The following NRG1 variants were observed in gnomAD, a reference collection of about 807,000 sequenced individuals.
The protein encoded by NRG1 is pro-neuregulin-1, membrane-bound isoform.
Under a neutral mutation model 63.8 loss-of-function variants are expected in NRG1, and 18 were observed. That is an observed-to-expected ratio of 0.28 (90% CI 0.19 to 0.42). The LOEUF is 0.42. Among genes scored for constraint, NRG1 ranks in the 10% least tolerant of loss-of-function variants. NRG1 has a pLI of 1.00. For synonymous variants in NRG1, 302 were observed against 301.3 expected (o/e 1.00, Z -0.02); for missense variants, 762 against 814.7 (o/e 0.94, Z 0.79).
intron 5 of NRG1, among the ~76,000 whole-genome samples, chr8:32,695,774 G>T (rs1212033015): frequency 6.6e-6 from 1 of 152,162 alleles, no homozygotes; most frequent in Non-Finnish European, 1.5e-5. Flanking sequence ...TAAAAATCAG[G>T]TGCTTACAAA....
chr8:32,764,347 A>G (rs1831240337), exon 12 of NRG1: 1 of 1,612,992 alleles, frequency 6.2e-7, no homozygotes, highest in African/African-American at 1.3e-5. Context: ...ACACAGGAAG[A>G]AATCCAGGCC....
intron 1 of NRG1, among the ~76,000 whole-genome samples, chr8:32,000,585 A>T (rs1812768153): frequency 6.6e-6 from 1 of 151,958 alleles, no homozygotes; most frequent in African/African-American, 2.4e-5. Flanking sequence ...CTCTTAAAAA[A>T]ATTTGTTTTC....
intron 1 of NRG1, among the ~76,000 whole-genome samples, chr8:31,644,063 A>G (rs1375120923): frequency 6.6e-6 from 1 of 152,262 alleles, no homozygotes; most frequent in Non-Finnish European, 1.5e-5. Context: ...ACTATTTAAT[A>G]AAGTGTGCTA....
In NRG1 at chr8:32,752,456, T is replaced by C. The variant is rs570516730; in HGVS notation, c.692-1916T>C. On this transcript the variant is annotated intron_variant, in intron 7 of 11. Transcript: ENST00000356819. Reference sequence around the variant, plus strand: ...TACCAACTCAATATCTCCTGGTACATTGTTTCACCGCAATGCACCAGCCGC... The same window carrying C: ...TACCAACTCAATATCTCCTGGTACACTGTTTCACCGCAATGCACCAGCCGC... Among the ~76,000 whole-genome samples, 20 of 152,332 alleles carry C rather than the reference T, an allele frequency of 1.3e-4. No individual in the cohort carries two copies. The East Asian group carries it at 3.5e-3, about 26-fold the overall frequency.
chr8:32,129,475 A>C (rs1023273970), intron 1 of NRG1, among the ~76,000 whole-genome samples: 2 of 151,916 alleles, frequency 1.3e-5, no homozygotes, highest in African/African-American at 4.8e-5. Flanking sequence ...CTCTTTGCAC[A>C]TGGCATTTTC....
At chr8:32,394,240 A>T (rs527805344) in intron 1 of NRG1, among the ~76,000 whole-genome samples, 67 of 152,320 alleles carry the variant, frequency 4.4e-4, no homozygotes, top group Admixed American at 4.6e-4. Flanking sequence ...AAACAGAACT[A>T]TACCATGCCC....
intron 1 of NRG1, among the ~76,000 whole-genome samples, chr8:31,767,328 A>C (rs1394969034): frequency 6.6e-6 from 1 of 152,258 alleles, no homozygotes; most frequent in African/African-American, 2.4e-5. Context: ...CAGAACATTT[A>C]GTTATCAGGT....
At chr8:31,988,011 C>T (rs941153765) in intron 1 of NRG1, among the ~76,000 whole-genome samples, 3 of 152,074 alleles carry the variant, frequency 2.0e-5, no homozygotes, top group African/African-American at 4.8e-5. Flanking sequence ...TCTTTCATTT[C>T]GGTGCTTGTT....
intron 1 of NRG1, among the ~76,000 whole-genome samples, chr8:32,503,288 GAAAAAAAA>G (rs60857610): frequency 1.1e-4 from 6 of 54,856 alleles, no homozygotes; most frequent in African/African-American, 2.6e-4. Context: ...CTCTGTCTCA[GAAAAAAAA>G]AAAAAAAAAA....
At chr8:32,227,900 A>G (rs1273156569) in intron 1 of NRG1, among the ~76,000 whole-genome samples, 3 of 152,206 alleles carry the variant, frequency 2.0e-5, no homozygotes, top group Non-Finnish European at 4.4e-5. Flanking sequence ...ATCTGTTCAG[A>G]AATACGAGGT....
At chr8:31,681,674 T>C (rs987879213) in intron 1 of NRG1, among the ~76,000 whole-genome samples, 2 of 149,408 alleles carry the variant, frequency 1.3e-5, no homozygotes, top group Non-Finnish European at 3.0e-5. Flanking sequence ...GGAGAGCTTT[T>C]ATATTTATAT....
chr8:32,062,120 T>C (rs1340631898), intron 1 of NRG1, among the ~76,000 whole-genome samples: 2 of 152,110 alleles, frequency 1.3e-5, no homozygotes, highest in African/African-American at 4.8e-5. Context: ...AGTTTTATTG[T>C]GTTTTGTGCA....
In NRG1 at chr8:32,424,335, G is replaced by T. The variant is rs558303428; in HGVS notation, c.38-171493G>T. ...CACCCTGGGCCTCTAGAGCTAAGTT[G>T]CCTCAACACACTTCACTATGGCTTC... On this transcript the variant is annotated intron_variant, in intron 1 of 10. Coordinates refer to the NRG1 transcript ENST00000519301. 2.0e-5 allele frequency among the ~76,000 whole-genome samples: 3 copies of T among 152,158 alleles called. No homozygotes were observed. In the East Asian group the frequency reaches 5.8e-4, roughly 29 times the overall value.
At chr8:32,418,995 C>G (rs1426166669) in intron 1 of NRG1, among the ~76,000 whole-genome samples, 1 of 152,068 alleles carries the variant, frequency 6.6e-6, no homozygotes, top group East Asian at 1.9e-4. Context: ...TTCTTGTTTT[C>G]CTGAAACTGA....
intron 1 of NRG1, among the ~76,000 whole-genome samples, chr8:32,112,874 C>CTTAAACTTA (rs1188455260): frequency 6.6e-6 from 1 of 152,150 alleles, no homozygotes; most frequent in East Asian, 1.9e-4. Flanking sequence ...CTGAAATCCA[C>CTTAAACTTA]AGTAAGCCAC....
At chr8:31,902,991 A>G (rs1464779224) in intron 1 of NRG1, among the ~76,000 whole-genome samples, 2 of 152,216 alleles carry the variant, frequency 1.3e-5, no homozygotes, top group Non-Finnish European at 2.9e-5. Flanking sequence ...ACCTTGGAAC[A>G]CAGCCACATA....
rs1207382053 is a variant in NRG1, at chr8:32,434,969, A to T, written c.38-160859A>T. On this transcript the variant is annotated intron_variant, in intron 1 of 10. Transcript: ENST00000519301. ...GGGAGTTGAGCATCTGCAGATTTTG[A>T]TATGGAGGCAGGGGTCCTGGAACCA... 2.0e-5 allele frequency among the ~76,000 whole-genome samples: 3 copies of T among 152,116 alleles called. No homozygotes were observed. In the East Asian group the frequency reaches 5.8e-4, roughly 29 times the overall value.
At chr8:32,629,459 A>G (rs1239714120) in intron 5 of NRG1, among the ~76,000 whole-genome samples, 2 of 152,206 alleles carry the variant, frequency 1.3e-5, no homozygotes, top group Non-Finnish European at 2.9e-5. Context: ...TGTCAATATC[A>G]ACAGTGAGTT....
chr8:31,974,230 A>G (rs749765452), intron 1 of NRG1, among the ~76,000 whole-genome samples: 5 of 152,226 alleles, frequency 3.3e-5, no homozygotes, highest in Admixed American at 6.5e-5. Context: ...CCATGATCCT[A>G]TCATGGTTCA....
Sources: gnomAD v4.1 joint callset for allele counts (sites outside exome capture counted in the v4.1 genomes callset) on GRCh38, gnomAD v4.1.1 for gene constraint, MANE v1.5 for transcripts, NCBI Gene and HGNC (gene_info 2026-07-23, HGNC 2026-07-21) for gene names.